The following RHBDD1 variants were observed in gnomAD, a reference collection of about 807,000 sequenced individuals.
RHBDD1 encodes rhomboid-related protein 4.
In RHBDD1, 38 loss-of-function variants were observed where a neutral mutation model predicts 36.3. The observed-to-expected ratio is 1.05, with a 90% CI of 0.81 to 1.37. The LOEUF (loss-of-function observed/expected upper bound fraction) is 1.37, where lower values mean the gene tolerates loss of function less well. Among genes scored for constraint, RHBDD1 ranks in the 40% most tolerant of loss-of-function variants. The pLI is 0.00. For synonymous variants in RHBDD1, 151 were observed against 136.5 expected (o/e 1.11, Z -0.74); for missense variants, 393 against 377.6 (o/e 1.04, Z -0.34).
chr2:226,849,551 C>T (rs1268757755), intron 3 of RHBDD1, among the ~76,000 whole-genome samples: 1 of 152,218 alleles, frequency 6.6e-6, no homozygotes, highest in Non-Finnish European at 1.5e-5. Flanking sequence ...CCTTAGGGGG[C>T]ATTCCAGCAG....
At chr2:226,842,371 A>G (rs775253925) in intron 3 of RHBDD1, among the ~76,000 whole-genome samples, 1 of 152,154 alleles carries the variant, frequency 6.6e-6, no homozygotes, top group African/African-American at 2.4e-5. Context: ...GCCCATACCT[A>G]TGTCCTGAAT....
chr2:226,988,237 T>A lies in RHBDD1; in HGVS notation c.857-7194T>A, dbSNP rs1250505237. 3 of 1,118,438 alleles carry A rather than the reference T, an allele frequency of 2.7e-6. No homozygotes were observed. The African/African-American group carries it at 4.8e-5, about 18-fold the overall frequency. 69.3% of individuals were successfully genotyped at this position (1,118,438 alleles called of 1,614,324 possible). On this transcript the variant is annotated intron_variant, in intron 8 of 8. Transcript: ENST00000392062. ...AGTCTCAAGATCAAGAAGCAAGAGG[T>A]TGGGAGTAGGACTCATATCAGGGCC...
chr2:226,921,033 A>G (rs757800989), intron 8 of RHBDD1, among the ~76,000 whole-genome samples: 6 of 151,988 alleles, frequency 3.9e-5, no homozygotes, highest in Admixed American at 6.6e-5. Context: ...CACCAATCTC[A>G]TTACTTTTTA....
chr2:226,980,610 A>T (rs1315896680), intron 8 of RHBDD1, among the ~76,000 whole-genome samples: 1 of 152,126 alleles, frequency 6.6e-6, no homozygotes, highest in Non-Finnish European at 1.5e-5. Flanking sequence ...TCCCATCCAC[A>T]CTTAATTAAA....
chr2:226,932,040 A>G (rs1387544148), intron 8 of RHBDD1, among the ~76,000 whole-genome samples: 1 of 152,052 alleles, frequency 6.6e-6, no homozygotes, highest in African/African-American at 2.4e-5. Flanking sequence ...CAGATCCTCC[A>G]TATGTTTTCT....
chr2:226,994,145 A>G (rs1481383760), intron 8 of RHBDD1, among the ~76,000 whole-genome samples: 2 of 152,160 alleles, frequency 1.3e-5, no homozygotes, highest in African/African-American at 4.8e-5. Context: ...TTCATGGGCA[A>G]TGAGTTGTGT....
At chr2:226,971,923 T>A (rs538995681) in intron 8 of RHBDD1, among the ~76,000 whole-genome samples, 80 of 145,576 alleles carry the variant, frequency 5.5e-4, no homozygotes, top group African/African-American at 1.9e-3. Context: ...TTTTTTTTTT[T>A]AATTTTACTT....
upstream of RHBDD1, among the ~76,000 whole-genome samples, chr2:226,835,425 G>T (rs933258147): frequency 1.3e-5 from 2 of 152,222 alleles, no homozygotes; most frequent in African/African-American, 4.8e-5. Flanking sequence ...CCAGACCCAA[G>T]CTTCTGGGAG....
At chr2:226,802,204 T>C in the RHBDD1 span, among the ~76,000 whole-genome samples, 1 of 152,220 alleles carries the variant, frequency 6.6e-6, no homozygotes, top group Non-Finnish European at 1.5e-5. Context: ...AATATATCTC[T>C]CAGTGTTAAA....
At chr2:226,821,270 T>C in the RHBDD1 span, among the ~76,000 whole-genome samples, 3 of 152,354 alleles carry the variant, frequency 2.0e-5, no homozygotes, top group East Asian at 5.8e-4. Context: ...TGGGTTTATC[T>C]GATTTCAAGC....
intron 7 of RHBDD1, among the ~76,000 whole-genome samples, chr2:226,911,541 C>CTTT (rs869309466): frequency 1.0e-3 from 73 of 71,104 alleles, no homozygotes; most frequent in Non-Finnish European, 1.7e-3. Flanking sequence ...TGTGAAAGTT[C>CTTT]TTTTTTTTTT....
chr2:226,807,907 C>A, the RHBDD1 span, among the ~76,000 whole-genome samples: 2 of 151,990 alleles, frequency 1.3e-5, no homozygotes, highest in Non-Finnish European at 2.9e-5. Flanking sequence ...CCAGCTACTC[C>A]AGGGGGCTGA....
intron 8 of RHBDD1, among the ~76,000 whole-genome samples, chr2:226,971,568 C>G (rs1953506334): frequency 6.6e-6 from 1 of 152,206 alleles, no homozygotes; most frequent in Non-Finnish European, 1.5e-5. Flanking sequence ...TAGCCACTTT[C>G]AGGTCATAAT....
At position 226,968,457 on chromosome 2, in the gene RHBDD1, C is replaced by T. The variant is rs537408401; in HGVS notation, c.857-26974C>T. Reference sequence around the variant, plus strand: ...AGCTCTGCTCTTAAGGCCTTTTAACCGATTGAATCAGGCTCATCCACATTA... The same window carrying T: ...AGCTCTGCTCTTAAGGCCTTTTAACTGATTGAATCAGGCTCATCCACATTA... On this transcript the variant is annotated intron_variant, in intron 8 of 8. Transcript: ENST00000392062. 7.9e-5 allele frequency among the ~76,000 whole-genome samples: 12 copies of T among 152,242 alleles called. No homozygotes were observed. In the East Asian group the frequency reaches 1.4e-3, roughly 17 times the overall value.
chr2:226,841,117 G>A (rs868586798), intron 3 of RHBDD1, among the ~76,000 whole-genome samples: 46 of 151,820 alleles, frequency 3.0e-4, no homozygotes, highest in African/African-American at 1.0e-3. Context: ...CTTTCAAGGC[G>A]TATTCATTTT....
chr2:226,907,028 C>T lies in RHBDD1; in HGVS notation c.655+147C>T, dbSNP rs765425651. 10 of 803,932 alleles carry T rather than the reference C, an allele frequency of 1.2e-5. No individual in the cohort carries two copies. In the Admixed American group the frequency reaches 2.0e-4, roughly 16 times the overall value. 49.8% of individuals were successfully genotyped at this position (803,932 alleles called of 1,614,324 possible). On this transcript the variant is annotated intron_variant, in intron 6 of 8. Coordinates refer to ENST00000392062, the MANE Select transcript of RHBDD1 (RefSeq NM_001167608.3). ...TTTCTTTTTAAACCGAAAGGTAAAA[C>T]AACCAGTGCAGTTCCTTACATTGCT...
At chr2:226,863,365 C>G (rs1465652021) in intron 3 of RHBDD1, among the ~76,000 whole-genome samples, 1 of 152,160 alleles carries the variant, frequency 6.6e-6, no homozygotes, top group Admixed American at 6.5e-5. Context: ...TTCATTCATT[C>G]ATTCAACATG....
chr2:226,889,355 C>T (rs1489997383), intron 5 of RHBDD1, among the ~76,000 whole-genome samples: 1 of 152,158 alleles, frequency 6.6e-6, no homozygotes, highest in Non-Finnish European at 1.5e-5. Flanking sequence ...TGAGGTCCCC[C>T]TTTGATCAGG....
At chr2:226,950,957 A>G (rs372604778) in intron 8 of RHBDD1, among the ~76,000 whole-genome samples, 14 of 152,150 alleles carry the variant, frequency 9.2e-5, no homozygotes, top group African/African-American at 2.9e-4. Context: ...GTGGTGCAGA[A>G]GCTTTTTCAT....
Sources: gnomAD v4.1 joint callset for allele counts (sites outside exome capture counted in the v4.1 genomes callset) on GRCh38, gnomAD v4.1.1 for gene constraint, MANE v1.5 for transcripts, NCBI Gene and HGNC (gene_info 2026-07-23, HGNC 2026-07-21) for gene names.